The following GJC1 variants were observed in gnomAD, a reference collection of about 807,000 sequenced individuals.
The protein encoded by GJC1 is gap junction protein gamma 1, also known as gap junction gamma-1 protein.
In GJC1, 5 loss-of-function variants were observed where a neutral mutation model predicts 29.3. The ratio of observed to expected loss-of-function variants is 0.17; its 90% CI spans 0.09 to 0.36. GJC1 has a LOEUF of 0.36. Among genes scored for constraint, GJC1 ranks in the 10% least tolerant of loss-of-function variants. The pLI, the probability that GJC1 is intolerant of heterozygous loss-of-function variation, is 1.00. For missense variants in GJC1, 310 were observed against 496.2 expected, an observed-to-expected ratio of 0.62 and a Z score of 3.56; for synonymous variants, 177 against 183.3, an observed-to-expected ratio of 0.97 and a Z score of 0.28.
At position 44,823,912 on chromosome 17, in the gene GJC1, G is replaced by A. The variant is rs568921192; in HGVS notation, c.-97+6150C>T. ...ATTTTTAGTAGAGACGGGGTTTCACGGTGTTAGCCAGGATGGTCTCGATCT... is the reference window on the plus strand; with the variant it reads ...ATTTTTAGTAGAGACGGGGTTTCACAGTGTTAGCCAGGATGGTCTCGATCT... On this transcript the variant is annotated intron_variant, in intron 1 of 2. Transcript: ENST00000592524. Among the ~76,000 whole-genome samples, 5 of 150,348 alleles carry A rather than the reference G, an allele frequency of 3.3e-5. 1 individual carries two copies. The South Asian group carries it at 8.5e-4, about 26-fold the overall frequency.
chr17:44,809,694 C>T (rs1002811652), intron 1 of GJC1, among the ~76,000 whole-genome samples: 14 of 152,018 alleles, frequency 9.2e-5, no homozygotes, highest in African/African-American at 3.1e-4. Context: ...CCTCAGCCTC[C>T]CGAGTAGCTG....
chr17:44,795,512 C>T (rs1177740341), downstream of GJC1, among the ~76,000 whole-genome samples: 2 of 152,194 alleles, frequency 1.3e-5, no homozygotes. Context: ...GGATTACTGG[C>T]GCGAGCCACC....
chr17:44,828,245 C>A (rs1213442805), intron 1 of GJC1, among the ~76,000 whole-genome samples: 1 of 152,136 alleles, frequency 6.6e-6, no homozygotes, highest in African/African-American at 2.4e-5. Context: ...GGATTAAAGG[C>A]TAAAACTCAA....
chr17:44,810,287 G>T (rs1028285500), intron 1 of GJC1, among the ~76,000 whole-genome samples: 1 of 152,104 alleles, frequency 6.6e-6, no homozygotes, highest in Non-Finnish European at 1.5e-5. Flanking sequence ...ATGAGCCATC[G>T]CGCCCGGCCA....
downstream of GJC1, among the ~76,000 whole-genome samples, chr17:44,796,566 C>T (rs1233528022): frequency 6.6e-6 from 1 of 152,124 alleles, no homozygotes; most frequent in Non-Finnish European, 1.5e-5. Context: ...TTGGCTACTT[C>T]AAACAATTTT....
chr17:44,809,260 C>T (rs1341229020), intron 1 of GJC1, among the ~76,000 whole-genome samples: 1 of 152,186 alleles, frequency 6.6e-6, no homozygotes, highest in African/African-American at 2.4e-5. Flanking sequence ...GACTCTAACA[C>T]AATAAAATTT....
chr17:44,811,579 G>T (rs1349985481), intron 1 of GJC1, among the ~76,000 whole-genome samples: 1 of 151,740 alleles, frequency 6.6e-6, no homozygotes, highest in African/African-American at 2.4e-5. Flanking sequence ...CAGAGAAGAG[G>T]TTTTGCCATG....
At chr17:44,813,178 C>G (rs886545134) in intron 1 of GJC1, 1 of 151,902 alleles carries the variant, frequency 6.6e-6, no homozygotes, top group African/African-American at 2.4e-5. Flanking sequence ...AAGCAATTCT[C>G]CTGCCTTAGC....
intron 1 of GJC1, among the ~76,000 whole-genome samples, chr17:44,814,909 T>C (rs1418346841): frequency 6.6e-6 from 1 of 150,888 alleles, no homozygotes; most frequent in Non-Finnish European, 1.5e-5. Context: ...ACCACTTCAC[T>C]CAAGCATGGG....
At chr17:44,820,275 T>TA (rs1567713708) in intron 1 of GJC1, among the ~76,000 whole-genome samples, 1 of 152,168 alleles carries the variant, frequency 6.6e-6, no homozygotes, top group Non-Finnish European at 1.5e-5. Context: ...AAGTGATTCT[T>TA]AACCTTGAAT....
rs753182101 is a variant in GJC1 at position 44,805,494 on chromosome 17, G to C, written c.324C>G (p.Asp108Glu). Reference protein sequence around the residue: ...KIAKMEHGEADKKAARSKPYA... With the variant: ...KIAKMEHGEAEKKAARSKPYA... ...AGGGCTTGCTCCGAGCTGCCTTCTT[G>C]TCTGCTTCACCGTGCTCCATTTTGG... Residue 108 changes from aspartate (D) to glutamate (E), a missense_variant, in exon 3 of 3, where the codon GAC (aspartate) becomes GAG (glutamate). Physicochemically the swap from Asp to Glu is conservative, Grantham distance 45 (BLOSUM62 2). Coordinates refer to ENST00000592524, the MANE Select transcript of GJC1 (RefSeq NM_005497.4). This position sits in a 1 kb window ranked among gnomAD's most constrained non-coding sequence, Gnocchi z 5.1. The C allele has an allele frequency of 6.2e-7, 1 of 1,614,092 alleles. No homozygotes were observed. Among genetic ancestry groups the C allele is most frequent in the Non-Finnish European group, 8.5e-7 (1 of 1,180,018 alleles).
chr17:44,806,401 G>GT (rs35152035), intron 2 of GJC1, among the ~76,000 whole-genome samples: 36,718 of 122,056 alleles, frequency 0.3, 5,620 homozygotes, highest in African/African-American at 0.37. Context: ...TCTTCTGTTT[G>GT]TTTTTTTTTT....
At chr17:44,808,732 A>G (rs963829302) in intron 1 of GJC1, among the ~76,000 whole-genome samples, 1 of 152,154 alleles carries the variant, frequency 6.6e-6, no homozygotes, top group Non-Finnish European at 1.5e-5. Flanking sequence ...ACTGCACTCC[A>G]GCCTAGGTGA....
chr17:44,820,619 C>G (rs1597756419), intron 1 of GJC1, among the ~76,000 whole-genome samples: 1 of 152,146 alleles, frequency 6.6e-6, no homozygotes, highest in Admixed American at 6.6e-5. Flanking sequence ...TGCGGTTGGA[C>G]TAAATTTAAA....
chr17:44,805,446 G>A lies in GJC1; in HGVS notation c.372C>T (p.His124=). The A allele has an allele frequency of 6.2e-7, 1 of 1,614,162 alleles. No individual in the cohort carries two copies. Among genetic ancestry groups the A allele is most frequent in the African/African-American group, 1.3e-5 (1 of 75,036 alleles). ...CCTCCTCCGTTTCTTCCAGAGCCCG[G>A]TGTTGTTTCCAGCGCATTGCATAGG... ...SKPYAMRWKQ[H]RALEETEEDN... is the part of the protein sequence containing the mutation. The change falls in exon 3 of 3, where the codon CAC becomes CAT. Residue 124 remains histidine (H), a synonymous_variant. Coordinates refer to ENST00000592524, the MANE Select transcript of GJC1 (RefSeq NM_005497.4). The surrounding 1 kb of genome is among the most constrained non-coding windows in gnomAD (Gnocchi z 5.1).
downstream of GJC1, chr17:44,797,714 AAAG>A (rs1214238265): frequency 3.3e-5 from 5 of 152,378 alleles, no homozygotes; most frequent in African/African-American, 1.2e-4. Context: ...TCTGTGTAGC[AAAG>A]AAAACAGATT....
chr17:44,810,024 A>G lies in GJC1; in HGVS notation c.-96-2555T>C, dbSNP rs1198151065. ...CAGGCACCTGCCACCACGCTTGGCTATTTTTTTTTTGTATTTTTTTGTAGA... is the reference window on the plus strand; with the variant it reads ...CAGGCACCTGCCACCACGCTTGGCTGTTTTTTTTTTGTATTTTTTTGTAGA... On this transcript the variant is annotated intron_variant, in intron 1 of 2. Coordinates refer to ENST00000592524, the MANE Select transcript of GJC1 (RefSeq NM_005497.4). Among the ~76,000 whole-genome samples the G allele has an allele frequency of 3.4e-5, 5 of 145,820 alleles. No individual in the cohort carries two copies. The East Asian group carries it at 8.1e-4, about 24-fold the overall frequency.
rs201385374 is a variant in GJC1, at chr17:44,800,754, C to G, written c.*3873G>C. 20 of 152,164 alleles carry G rather than the reference C, an allele frequency of 1.3e-4. No individual in the cohort carries two copies. In the East Asian group the frequency reaches 3.9e-3, roughly 29 times the overall value. 9.4% of individuals were successfully genotyped at this position (152,164 alleles called of 1,614,324 possible). A position where few individuals can be genotyped will look rare whatever the true frequency, so the allele number is the denominator to read the frequency against. On this transcript the variant is annotated 3_prime_UTR_variant, in exon 3 of 3. Transcript: ENST00000592524. ...TTTTTTTTTAAGCGCCAAGTTCAAA[C>G]AAGTGACCAATAATAATGGTTGGTC... is the stretch of plus-strand genomic sequence containing the variant.
At chr17:44,827,355 A>C (rs999132638) in intron 1 of GJC1, among the ~76,000 whole-genome samples, 6 of 152,112 alleles carry the variant, frequency 3.9e-5, no homozygotes, top group South Asian at 2.1e-4. Flanking sequence ...AAACAAAAAA[A>C]AAAAATTCCT....
Sources: gnomAD v4.1 joint callset for allele counts (sites outside exome capture counted in the v4.1 genomes callset) on GRCh38, gnomAD v4.1.1 for gene constraint, Gnocchi (gnomAD v3.1) non-coding constraint, MANE v1.5 for transcripts, NCBI Gene and HGNC (gene_info 2026-07-23, HGNC 2026-07-21) for gene names.